The following PDE6A variants were observed in gnomAD, a reference collection of about 807,000 sequenced individuals.
The protein encoded by PDE6A is phosphodiesterase 6A.
A neutral mutation model predicts 106.3 loss-of-function variants in PDE6A; 84 were observed. The observed-to-expected ratio is 0.79, with a 90% CI of 0.66 to 0.95. The LOEUF is 0.95. PDE6A is among the 40% of genes least tolerant of loss of function. The pLI is 0.00. For missense variants in PDE6A, 1,052 were observed against 1,084.9 expected, an observed-to-expected ratio of 0.97 and a Z score of 0.43; for synonymous variants, 394 against 386.6, an observed-to-expected ratio of 1.02 and a Z score of -0.23.
chr5:149,867,535 A>G (rs1223838522), intron 19 of PDE6A, 190 bp downstream of exon 19: 4 of 665,038 alleles, frequency 6.0e-6, no homozygotes, highest in Non-Finnish European at 1.1e-5. Flanking sequence ...GCTTGTGAAT[A>G]TACATACCTA....
chr5:149,895,411 C>G (rs1752703210), intron 12 of PDE6A, 121 bp from the exon 13 acceptor site: 1 of 735,332 alleles, frequency 1.4e-6, no homozygotes, highest in Non-Finnish European at 2.5e-6. Flanking sequence ...TTGAGGTACT[C>G]TAACCCCATC....
chr5:149,932,583 A>G (rs1754069620), intron 3 of PDE6A: 1 of 1,580,020 alleles, frequency 6.3e-7, no homozygotes, highest in Non-Finnish European at 8.7e-7. Flanking sequence ...TGGCGGTGCT[A>G]CTTTTAACTT....
chr5:149,938,773 A>G (rs779189949), intron 1 of PDE6A, among the ~76,000 whole-genome samples: 2 of 151,528 alleles, frequency 1.3e-5, no homozygotes, highest in Non-Finnish European at 1.5e-5. Flanking sequence ...GGCATCTTAT[A>G]TTTTTTCTGG....
chr5:149,923,554 ATAACATAACATAACAT>A (rs1753790199), intron 4 of PDE6A, among the ~76,000 whole-genome samples: 1 of 126,182 alleles, frequency 7.9e-6, no homozygotes, highest in Non-Finnish European at 1.5e-5. Flanking sequence ...ATAACATAAC[ATAACATAACATAACAT>A]AACATAACAA....
intron 6 of PDE6A, among the ~76,000 whole-genome samples, chr5:149,912,048 A>G (rs1207211294): frequency 3.9e-5 from 6 of 151,998 alleles, no homozygotes; most frequent in Non-Finnish European, 7.4e-5. Context: ...TTGAATTCGA[A>G]TTTCACCTTG....
chr5:149,944,768 TC>T lies in PDE6A; in HGVS notation c.-96del. 1 of 966,508 alleles carries T rather than the reference TC, an allele frequency of 1.0e-6. No homozygotes were observed. The highest frequency in any genetic ancestry group is 1.6e-6 in the Non-Finnish European group (1 of 625,898). 59.9% of individuals were successfully genotyped at this position (966,508 alleles called of 1,614,324 possible). The stretch of plus-strand genomic sequence containing the variant: ...CTGCAACAAGTCCAGTCTGGACTTC[TC>T]TGGGTCTTGTCTGCAAAACATACTG... On this transcript the variant is annotated 5_prime_UTR_variant, in exon 1 of 22. It removes the in-frame stop codon of an upstream open reading frame in the 5' UTR. Coordinates refer to ENST00000255266, the MANE Select transcript of PDE6A (RefSeq NM_000440.3).
intron 17 of PDE6A, among the ~76,000 whole-genome samples, chr5:149,880,304 A>G (rs1035728664): frequency 6.6e-6 from 1 of 152,210 alleles, no homozygotes; most frequent in African/African-American, 2.4e-5. Context: ...ACAACTTTCT[A>G]AATCAAGTCC....
At chr5:149,932,134 T>A in intron 3 of PDE6A, 4 of 1,242,358 alleles carry the variant, frequency 3.2e-6, no homozygotes, top group Non-Finnish European at 3.6e-6. Context: ...CTATTTAGTT[T>A]GATTATCTGT....
At chr5:149,862,615 AG>A (rs1373419894) in intron 21 of PDE6A, among the ~76,000 whole-genome samples, 1 of 152,174 alleles carries the variant, frequency 6.6e-6, no homozygotes, top group Non-Finnish European at 1.5e-5. Flanking sequence ...AAAATTAGCC[AG>A]GCATGGCACT....
chr5:149,879,426 T>TTA lies in PDE6A; in HGVS notation c.2135+4002_2135+4003insTA, dbSNP rs1005178396. On this transcript the variant is annotated intron_variant, in intron 17 of 21. Coordinates refer to ENST00000255266, the MANE Select transcript of PDE6A (RefSeq NM_000440.3). ...AAATTTTTTTTTTTTAGGTTTTTTT[T>TTA]TTATTATTGTTATTATACTTTAAGT... 5.9e-5 allele frequency among the ~76,000 whole-genome samples: 9 copies of TTA among 151,924 alleles called. No individual in the cohort carries two copies. The East Asian group carries it at 7.7e-4, about 13-fold the overall frequency.
chr5:149,874,006 T>TAA (rs796307210), intron 17 of PDE6A, among the ~76,000 whole-genome samples: 3 of 127,976 alleles, frequency 2.3e-5, no homozygotes, highest in Non-Finnish European at 3.4e-5. Flanking sequence ...ACCCTGTCTC[T>TAA]AAAAAAAAAA....
chr5:149,912,449 T>C (rs1000949752), intron 6 of PDE6A, among the ~76,000 whole-genome samples: 1 of 152,234 alleles, frequency 6.6e-6, no homozygotes, highest in African/African-American at 2.4e-5. Context: ...CAGACTGCGT[T>C]TCCTAACCAC....
In PDE6A at chr5:149,863,684, C is replaced by T. The variant is rs1285459767; in HGVS notation, c.2359-418G>A. Among the ~76,000 whole-genome samples the T allele has an allele frequency of 6.6e-6, 1 of 151,998 alleles. No individual in the cohort carries two copies. The highest frequency in any genetic ancestry group is 1.5e-5 in the Non-Finnish European group (1 of 67,994). ...TGTCATCCAGGCTGGAGTGCAGTGG[C>T]ACAAACATAGCTCACTGCAGCCTCA... On this transcript the variant is annotated intron_variant, in intron 20 of 21. Transcript: ENST00000255266. The surrounding 1 kb of genome is among the most constrained non-coding windows in gnomAD (Gnocchi z 4.7).
At chr5:149,920,346 C>T (rs948657344) in intron 5 of PDE6A, among the ~76,000 whole-genome samples, 6 of 152,018 alleles carry the variant, frequency 3.9e-5, no homozygotes, top group Non-Finnish European at 7.4e-5. Flanking sequence ...TGTGGGAGGC[C>T]GAGGTGGGCG....
At chr5:149,872,095 T>TG (rs918252840) in intron 17 of PDE6A, among the ~76,000 whole-genome samples, 1 of 152,134 alleles carries the variant, frequency 6.6e-6, no homozygotes, top group African/African-American at 2.4e-5. Context: ...GAGGAGGGGA[T>TG]GGAGTTCAAT....
In PDE6A at chr5:149,860,932, C is replaced by G. The variant is rs1166447130; in HGVS notation, c.2546G>C (p.Gly849Ala). ...GNQPGGNPSPGGATTSKSCCI... is the reference protein window; with the variant it reads ...GNQPGGNPSPAGATTSKSCCI... ...GCAGGACTTGGATGTAGTTGCACCC[C>G]CTGGGCTGGGGTTTCCCCCCGGCTG... The change falls in exon 22 of 22, where the codon GGG (glycine) becomes GCG (alanine). Residue 849 changes from glycine to alanine, a missense_variant. Transcript: ENST00000255266. 3.7e-6 allele frequency: 6 copies of G among 1,614,058 alleles called. No homozygotes were observed. The highest frequency in any genetic ancestry group is 3.4e-6 in the Non-Finnish European group (4 of 1,180,046).
intron 3 of PDE6A, 66 bp from the exon 4 acceptor site, chr5:149,931,234 A>T (rs868145960): frequency 4.1e-5 from 59 of 1,448,604 alleles, no homozygotes; most frequent in Middle Eastern, 3.5e-4. Flanking sequence ...TTAGCTGGAG[A>T]ATAACAACAA....
intron 5 of PDE6A, among the ~76,000 whole-genome samples, chr5:149,920,166 T>TA (rs1299769701): frequency 6.6e-6 from 1 of 151,196 alleles, no homozygotes; most frequent in African/African-American, 2.4e-5. Flanking sequence ...CATCTCTATA[T>TA]AAAAAACAAA....
chr5:149,915,860 G>A lies in PDE6A; in HGVS notation c.934-853C>T, dbSNP rs144010019. On this transcript the variant is annotated intron_variant, in intron 5 of 21. Transcript: ENST00000255266. ...TATCTGATAGTTGCTGAAACAACCT[G>A]CTGCAACTCTAGGACTAATTTTACC... Among the ~76,000 whole-genome samples, 456 of 152,338 alleles carry A rather than the reference G, an allele frequency of 3.0e-3. 3 individuals are homozygous for A. Among genetic ancestry groups the A allele is most frequent in the African/African-American group, 0.01 (435 of 41,572 alleles).
Sources: allele counts gnomAD v4.1 joint callset (sites outside exome capture counted in the v4.1 genomes callset), GRCh38; gene constraint gnomAD v4.1.1; non-coding constraint Gnocchi (gnomAD v3.1); transcripts MANE v1.5; gene names NCBI Gene and HGNC (gene_info 2026-07-23, HGNC 2026-07-21).